The following IGLON5 variants were observed in gnomAD, a reference collection of about 807,000 sequenced individuals.
The protein encoded by IGLON5 is IgLON family member 5.
Under a neutral mutation model 38.2 loss-of-function variants are expected in IGLON5, and 16 were observed. That is an observed-to-expected ratio of 0.42 (90% CI 0.28 to 0.64). The LOEUF is 0.64. Among genes scored for constraint, IGLON5 ranks in the 30% least tolerant of loss-of-function variants. IGLON5 has a pLI of 0.23. For missense variants in IGLON5, 366 were observed against 483.4 expected, an observed-to-expected ratio of 0.76 and a Z score of 2.28; for synonymous variants, 207 against 216.4, an observed-to-expected ratio of 0.96 and a Z score of 0.38.
rs370916177 is a variant in IGLON5 at position 51,326,759 on chromosome 19, C to G, written c.512-5C>G. ...CCCGCCCCCTCCTCCTCCTTCCCCC[C>G]ACAGACGGCTTCACCTCGGAGGGAG... On this transcript the variant is annotated splice_polypyrimidine_tract_variant and splice_region_variant and intron_variant, in intron 4 of 7. Coordinates refer to ENST00000270642, the MANE Select transcript of IGLON5 (RefSeq NM_001101372.3). 4 of 1,546,972 alleles carry G rather than the reference C, an allele frequency of 2.6e-6. No individual in the cohort carries two copies. In the South Asian group the frequency reaches 3.6e-5, roughly 14 times the overall value.
chr19:51,316,684 G>A (rs992655606), intron 1 of IGLON5, among the ~76,000 whole-genome samples: 7 of 151,718 alleles, frequency 4.6e-5, no homozygotes, highest in Non-Finnish European at 1.0e-4. Flanking sequence ...AGTAGAGACG[G>A]GGTTTCACCA....
chr19:51,325,428 G>A lies in IGLON5; in HGVS notation c.474G>A (p.Gly158=), dbSNP rs1568459311. Residue 158 remains glycine, a synonymous_variant, in exon 4 of 8, where the codon GGG becomes GGA. Coordinates refer to ENST00000270642, the MANE Select transcript of IGLON5 (RefSeq NM_001101372.3). The surrounding 1 kb of genome is among the most constrained non-coding windows in gnomAD (Gnocchi z 5.5). ...GNVNLLCLAV[G]RPEPTVTWRQ... ...TGAACCTGCTTTGCCTGGCCGTGGG[G>A]CGGCCAGAGCCCACGGTCACCTGGA... 1 of 1,613,688 alleles carries A rather than the reference G, an allele frequency of 6.2e-7. No homozygotes were observed.
chr19:51,325,400 A>G lies in IGLON5; in HGVS notation c.446A>G (p.Asn149Ser), dbSNP rs752899557. ...SSPVTVNEGG[N>S]VNLLCLAVGR... ...CCTGTGACGGTGAATGAGGGGGGCA[A>G]TGTGAACCTGCTTTGCCTGGCCGTG... The change falls in exon 4 of 8, where the codon AAT becomes AGT. Residue 149 changes from asparagine to serine, a missense_variant. Asn to Ser is a conservative substitution (Grantham distance 46, BLOSUM62 1). Transcript: ENST00000270642. The surrounding 1 kb of genome is among the most constrained non-coding windows in gnomAD (Gnocchi z 5.5). The G allele has an allele frequency of 1.2e-5, 19 of 1,613,844 alleles. No homozygotes were observed. Among genetic ancestry groups the G allele is most frequent in the South Asian group, 5.5e-5 (5 of 91,084 alleles).
At chr19:51,326,617 G>T in intron 4 of IGLON5, 147 bp from the exon 5 acceptor site, 1 of 124,556 alleles carries the variant, frequency 8.0e-6, no homozygotes. Flanking sequence ...CGGCCCTGCA[G>T]CCCCTCCCCC....
chr19:51,327,742 G>C lies in IGLON5; in HGVS notation c.778G>C (p.Gly260Arg), dbSNP rs1325508011. 6 of 1,574,108 alleles carry C rather than the reference G, an allele frequency of 3.8e-6. No homozygotes were observed. The highest frequency in any genetic ancestry group is 4.3e-6 in the Non-Finnish European group (5 of 1,163,126). The change falls in exon 7 of 8, where the codon GGC becomes CGC. Residue 260 changes from glycine (G) to arginine (R), a missense_variant. By Grantham distance (125) the Gly-to-Arg change is moderately radical. Coordinates refer to ENST00000270642, the MANE Select transcript of IGLON5 (RefSeq NM_001101372.3). The surrounding 1 kb of genome is among the most constrained non-coding windows in gnomAD (Gnocchi z 7.1). ...WYKDDRLLSSGTAEGLKVQTE... is the reference protein window; with the variant it reads ...WYKDDRLLSSRTAEGLKVQTE... ...CCGGATCCCTGGCAGGCTGAGCAGC[G>C]GCACGGCCGAAGGCCTGAAGGTGCA...
intron 5 of IGLON5, 56 bp downstream of exon 5, chr19:51,326,954 A>G: frequency 1.9e-6 from 3 of 1,571,550 alleles, no homozygotes; most frequent in South Asian, 1.2e-5. Flanking sequence ...GTCCCTGGGG[A>G]GGAGGGATCT....
chr19:51,315,688 CTTTTTTT>C (rs756194855), intron 1 of IGLON5, among the ~76,000 whole-genome samples: 10,902 of 82,426 alleles, frequency 0.13, 795 homozygotes, highest in African/African-American at 0.28. Flanking sequence ...GGAAGTCAAC[CTTTTTTT>C]TTTTTTTTTT....
Position 51,324,601 on chromosome 19 carries a change from T to C in IGLON5, c.391+707T>C, listed in dbSNP as rs1471083699. On this transcript the variant is annotated intron_variant, in intron 3 of 7. Coordinates refer to ENST00000270642, the MANE Select transcript of IGLON5 (RefSeq NM_001101372.3). The surrounding 1 kb of genome is among the most constrained non-coding windows in gnomAD (Gnocchi z 4.2). ...CCACCGTCCACCAGCCCAGGGACCT[T>C]GAGCAGGGAAGAGGCCCGGGACTCC... 1.3e-5 allele frequency among the ~76,000 whole-genome samples: 2 copies of C among 152,038 alleles called. No homozygotes were observed. The highest frequency in any genetic ancestry group is 2.4e-5 in the African/African-American group (1 of 41,366).
At position 51,311,940 on chromosome 19, in the gene IGLON5, G is replaced by C. The variant is rs1984774768; in HGVS notation, c.79+14G>C. ...TCATCAGCCGAGGTACCGCAGCGCC[G>C]GGGGCGGGGGGCTCGGCCGGGACGC... is the stretch of plus-strand genomic sequence containing the variant. On this transcript the variant is annotated intron_variant, in intron 1 of 7. Transcript: ENST00000270642. 7.7e-7 allele frequency: 1 copy of C among 1,290,588 alleles called. No homozygotes were observed. The highest frequency in any genetic ancestry group is 9.9e-7 in the Non-Finnish European group (1 of 1,014,936). The allele number at this position is 1,290,588 out of a possible 1,614,324, so 79.9% of individuals were successfully genotyped here.
In IGLON5 at chr19:51,327,940, C is replaced by A; in HGVS notation, c.922+54C>A. ...AAGGTGGGCGGGGCCGGGGGCGGGG[C>A]TAGGGAAGTGGAGACGCCGGGACCG... On this transcript the variant is annotated intron_variant, in intron 7 of 7. Transcript: ENST00000270642. The surrounding 1 kb of genome is among the most constrained non-coding windows in gnomAD (Gnocchi z 7.1). The A allele has an allele frequency of 6.9e-7, 1 of 1,446,000 alleles. No individual in the cohort carries two copies. Among genetic ancestry groups the A allele is most frequent in the Non-Finnish European group, 9.1e-7 (1 of 1,099,650 alleles). The allele number at this position is 1,446,000 out of a possible 1,614,324, so 89.6% of individuals were successfully genotyped here.
intron 2 of IGLON5, among the ~76,000 whole-genome samples, chr19:51,322,777 T>A (rs925967450): frequency 7.3e-5 from 11 of 149,736 alleles, no homozygotes; most frequent in African/African-American, 2.5e-4. Flanking sequence ...TCTTTCCCTC[T>A]CTCTCTCTGG....
rs569342843 is a variant in IGLON5 at position 51,328,701 on chromosome 19, G to A, written c.953G>A (p.Arg318Lys). ...GGATCCCTGGAGAACTCAGCCCCGAGGCCCCCAGGGCTCCTGGCCCTCCTC... is the reference window on the plus strand; with the variant it reads ...GGATCCCTGGAGAACTCAGCCCCGAAGCCCCCAGGGCTCCTGGCCCTCCTC... ...RPGSLENSAP[R>K]PPGLLALLSA... The change falls in exon 8 of 8, where the codon AGG becomes AAG. Residue 318 changes from arginine to lysine, a missense_variant. By Grantham distance (26) the Arg-to-Lys change is conservative (BLOSUM62 2). Coordinates refer to ENST00000270642, the MANE Select transcript of IGLON5 (RefSeq NM_001101372.3). 16 of 1,596,512 alleles carry A rather than the reference G, an allele frequency of 1.0e-5. No homozygotes were observed. The African/African-American group carries it at 2.0e-4, about 20-fold the overall frequency.
chr19:51,319,386 G>A (rs931225940), intron 1 of IGLON5, among the ~76,000 whole-genome samples: 13 of 152,168 alleles, frequency 8.5e-5, no homozygotes, highest in African/African-American at 2.6e-4. Context: ...TCGGCCCAGC[G>A]TGGCCCCTTC....
At chr19:51,322,758 C>T (rs1024172975) in intron 2 of IGLON5, among the ~76,000 whole-genome samples, 2 of 149,442 alleles carry the variant, frequency 1.3e-5, no homozygotes, top group Admixed American at 6.6e-5. Context: ...CTGAGTCTCC[C>T]TCTGGGTCTC....
rs763166297 is a variant in IGLON5 at position 51,327,159 on chromosome 19, G to C, written c.726G>C (p.Ala242=). ...CCCTCCTGCGCTGCGAAGCCATGGC[G>C]GTTCCCCCCGCGGATTTCCAGTGGT... ...RAALLRCEAM[A]VPPADFQWYK... is the part of the protein sequence containing the mutation. Residue 242 remains alanine (A), a synonymous_variant, in exon 6 of 8, where the codon GCG becomes GCC. Transcript: ENST00000270642. The surrounding 1 kb of genome is among the most constrained non-coding windows in gnomAD (Gnocchi z 7.1). 1.3e-5 allele frequency: 21 copies of C among 1,612,398 alleles called. No homozygotes were observed. Among genetic ancestry groups the C allele is most frequent in the Non-Finnish European group, 1.8e-5 (21 of 1,179,686 alleles).
At chr19:51,312,043 C>G in intron 1 of IGLON5, 117 bp downstream of exon 1, 2 of 473,542 alleles carry the variant, frequency 4.2e-6, no homozygotes, top group Non-Finnish European at 6.4e-6. Flanking sequence ...GGGGAGGCCC[C>G]GGGACGCCGG....
In IGLON5 at chr19:51,324,026, TG is replaced by T. The variant is rs1310146860; in HGVS notation, c.391+136del. ...AGAAAGACAGACACAGCCTTGCCCT[TG>T]GGGATTTCAGCCCAGCAGAAGGGGG... On this transcript the variant is annotated intron_variant, in intron 3 of 7. Transcript: ENST00000270642. The surrounding 1 kb of genome is among the most constrained non-coding windows in gnomAD (Gnocchi z 4.2). 1 of 653,246 alleles carries T rather than the reference TG, an allele frequency of 1.5e-6. No homozygotes were observed. Among genetic ancestry groups the T allele is most frequent in the East Asian group, 2.8e-5 (1 of 36,296 alleles). 40.5% of individuals were successfully genotyped at this position (653,246 alleles called of 1,614,324 possible). A position where few individuals can be genotyped will look rare whatever the true frequency, so the allele number is the denominator to read the frequency against.
chr19:51,322,389 GAGAGGGACAGAGACCC>G, intron 2 of IGLON5, among the ~76,000 whole-genome samples: 1 of 147,358 alleles, frequency 6.8e-6, no homozygotes, highest in African/African-American at 2.7e-5. Context: ...CCCAGAGAGA[GAGAGGGACAGAGACCC>G]AGAGAGAAGG....
chr19:51,325,262 G>C lies in IGLON5; in HGVS notation c.392-84G>C. On this transcript the variant is annotated intron_variant, in intron 3 of 7. Coordinates refer to ENST00000270642, the MANE Select transcript of IGLON5 (RefSeq NM_001101372.3). This position sits in a 1 kb window ranked among gnomAD's most constrained non-coding sequence, Gnocchi z 5.5. ...TCTGAGGGAGGAGGAGGGGCTGGGGGTCTGGACTCCTGGGTCTGAAGGAGG... is the reference window on the plus strand; with the variant it reads ...TCTGAGGGAGGAGGAGGGGCTGGGGCTCTGGACTCCTGGGTCTGAAGGAGG... 2.6e-6 allele frequency: 4 copies of C among 1,551,434 alleles called. No individual in the cohort carries two copies. The highest frequency in any genetic ancestry group is 3.5e-6 in the Non-Finnish European group (4 of 1,146,914).
Sources: allele counts gnomAD v4.1 joint callset (sites outside exome capture counted in the v4.1 genomes callset), GRCh38; gene constraint gnomAD v4.1.1; non-coding constraint Gnocchi (gnomAD v3.1); transcripts MANE v1.5; gene names NCBI Gene and HGNC (gene_info 2026-07-23, HGNC 2026-07-21).